Variants in PGPEP1L observed in about 807,000 individuals in gnomAD.
PGPEP1L encodes pyroglutamyl-peptidase I like, also known as pyroglutamyl-peptidase 1-like protein.
A neutral mutation model predicts 6.0 loss-of-function variants in PGPEP1L; 7 were observed. That is an observed-to-expected ratio of 1.17 (90% CI 0.66 to 2.19). PGPEP1L has a LOEUF of 2.19. Ranked by LOEUF, PGPEP1L falls within the 30% of genes most tolerant of loss-of-function variation. PGPEP1L has a pLI of 0.00. For missense variants in PGPEP1L, 209 were observed against 192.5 expected, an observed-to-expected ratio of 1.09 and a Z score of -0.51; for synonymous variants, 103 against 83.9, an observed-to-expected ratio of 1.23 and a Z score of -1.24.
At chr15:98,998,717 C>T (rs1309737605) in intron 2 of PGPEP1L, among the ~76,000 whole-genome samples, 1 of 152,184 alleles carries the variant, frequency 6.6e-6, no homozygotes, top group African/African-American at 2.4e-5. Flanking sequence ...GTGGCTCATG[C>T]CTGTAATCCC....
intron 2 of PGPEP1L, among the ~76,000 whole-genome samples, chr15:99,000,736 T>C (rs1323808245): frequency 6.6e-6 from 1 of 152,080 alleles, no homozygotes; most frequent in Non-Finnish European, 1.5e-5. Context: ...ATCAGCACCC[T>C]GTCAAAATGG....
chr15:98,990,399 A>G (rs1555471935), intron 2 of PGPEP1L, among the ~76,000 whole-genome samples: 2 of 152,252 alleles, frequency 1.3e-5, no homozygotes, highest in Admixed American at 1.3e-4. Context: ...GATCAATGCA[A>G]CAAGAAGAGC....
intron 2 of PGPEP1L, among the ~76,000 whole-genome samples, chr15:98,988,106 T>C (rs1421942733): frequency 1.3e-5 from 2 of 152,044 alleles, no homozygotes; most frequent in Non-Finnish European, 2.9e-5. Flanking sequence ...TTTTTTTTCA[T>C]ACCCCAGTGG....
intron 2 of PGPEP1L, among the ~76,000 whole-genome samples, chr15:98,983,396 T>C (rs935005209): frequency 1.3e-5 from 2 of 152,182 alleles, no homozygotes; most frequent in Non-Finnish European, 2.9e-5. Context: ...TTATTCTGCA[T>C]GTCAAGTTTA....
chr15:99,000,767 A>C (rs559171176), intron 2 of PGPEP1L, among the ~76,000 whole-genome samples: 5 of 152,128 alleles, frequency 3.3e-5, no homozygotes, highest in Non-Finnish European at 7.4e-5. Flanking sequence ...TCTCTGTAAA[A>C]TGGACCAATC....
intron 2 of PGPEP1L, among the ~76,000 whole-genome samples, chr15:98,972,986 A>G (rs942452598): frequency 3.9e-5 from 6 of 152,024 alleles, no homozygotes; most frequent in African/African-American, 1.4e-4. Flanking sequence ...CTAAAAAGAT[A>G]TGCACAGACT....
At chr15:99,006,779 CAG>C (rs570165366) in intron 1 of PGPEP1L, among the ~76,000 whole-genome samples, 22 of 150,104 alleles carry the variant, frequency 1.5e-4, no homozygotes, top group East Asian at 9.6e-4. Flanking sequence ...CCCTGGGTGA[CAG>C]AGTGAGACCC....
intron 2 of PGPEP1L, among the ~76,000 whole-genome samples, chr15:98,975,418 G>C (rs1027577557): frequency 5.9e-5 from 9 of 152,154 alleles, no homozygotes; most frequent in Admixed American, 3.9e-4. Context: ...ATAGTAGGGT[G>C]ACAATAGTTA....
At chr15:98,982,909 C>T (rs547205066) in intron 2 of PGPEP1L, among the ~76,000 whole-genome samples, 2 of 151,928 alleles carry the variant, frequency 1.3e-5, no homozygotes, top group South Asian at 2.1e-4. Flanking sequence ...CAGGGTCTCA[C>T]CCTGTTGGCC....
At position 98,985,738 on chromosome 15, in the gene PGPEP1L, C is replaced by T. The variant is rs575287849; in HGVS notation, c.-141-14580G>A. 1.2e-4 allele frequency among the ~76,000 whole-genome samples: 18 copies of T among 150,646 alleles called. 1 individual carries two copies. The South Asian group carries it at 3.7e-3, about 31-fold the overall frequency. On this transcript the variant is annotated intron_variant, in intron 2 of 4. Transcript: ENST00000535714. ...TGCCCTCAGGCCAGATGTGCAACCT[C>T]TCTGAGCACCCCTTTCCTCATCTGC...
intron 2 of PGPEP1L, among the ~76,000 whole-genome samples, chr15:99,003,982 C>G (rs545747771): frequency 6.7e-6 from 1 of 148,170 alleles, no homozygotes; most frequent in Non-Finnish European, 1.5e-5. Context: ...CTCTGAAGGT[C>G]GATAGGAGTT....
At chr15:98,988,273 G>T (rs2017775133) in intron 2 of PGPEP1L, among the ~76,000 whole-genome samples, 1 of 152,252 alleles carries the variant, frequency 6.6e-6, no homozygotes, top group Admixed American at 6.5e-5. Context: ...AGCAGTCTGA[G>T]GTCGACCTAG....
chr15:98,980,455 TAC>T (rs1444022113), intron 2 of PGPEP1L, among the ~76,000 whole-genome samples: 3 of 2,524 alleles, frequency 1.2e-3, no homozygotes, highest in Non-Finnish European at 6.4e-3. Context: ...AATGACTACA[TAC>T]ATAAGTAAAC....
intron 2 of PGPEP1L, among the ~76,000 whole-genome samples, chr15:98,988,790 C>G (rs2017782521): frequency 6.6e-6 from 1 of 152,184 alleles, no homozygotes; most frequent in Admixed American, 6.5e-5. Flanking sequence ...CTTCAGGCGG[C>G]AATCTTTGCT....
chr15:98,992,983 G>C (rs1005159730), intron 2 of PGPEP1L, among the ~76,000 whole-genome samples: 1 of 151,932 alleles, frequency 6.6e-6, no homozygotes, highest in African/African-American at 2.4e-5. Flanking sequence ...AGAAACATAA[G>C]ACCTAAAACT....
chr15:98,996,615 G>A (rs1555472519), intron 2 of PGPEP1L, among the ~76,000 whole-genome samples: 1 of 83,326 alleles, frequency 1.2e-5, no homozygotes, highest in East Asian at 3.0e-4. Context: ...ATGTGTATAT[G>A]CCTGCGTGTA....
At chr15:99,000,122 T>TCCGCGGGCC (rs1373348661) in intron 2 of PGPEP1L, among the ~76,000 whole-genome samples, 6 of 152,292 alleles carry the variant, frequency 3.9e-5, no homozygotes, top group African/African-American at 9.6e-5. Flanking sequence ...GGGCGTGGGC[T>TCCGCGGGCC]CCGCGGGCCC....
rs201680330 is a variant in PGPEP1L at position 98,984,935 on chromosome 15, C to T, written c.-141-13777G>A. 2.6e-5 allele frequency among the ~76,000 whole-genome samples: 4 copies of T among 152,264 alleles called. No homozygotes were observed. In the East Asian group the frequency reaches 5.8e-4, roughly 22 times the overall value. ...TACCGGAACCCTGGACGTGGGCCTG[C>T]CAGCCTAGGAAACTGCTGCTTCCAG... On this transcript the variant is annotated intron_variant, in intron 2 of 4. Coordinates refer to ENST00000535714, the MANE Select transcript of PGPEP1L (RefSeq NM_001167902.2).
intron 2 of PGPEP1L, among the ~76,000 whole-genome samples, chr15:98,988,745 G>A (rs1342928604): frequency 1.3e-5 from 2 of 152,204 alleles, no homozygotes; most frequent in Non-Finnish European, 2.9e-5. Flanking sequence ...GGAGAGCTCT[G>A]GCTGGCATCT....
Sources: gnomAD v4.1 joint callset for allele counts (sites outside exome capture counted in the v4.1 genomes callset) on GRCh38, gnomAD v4.1.1 for gene constraint, MANE v1.5 for transcripts, NCBI Gene and HGNC (gene_info 2026-07-23, HGNC 2026-07-21) for gene names.